Variants in WSCD1 observed in about 807,000 individuals in gnomAD.
WSCD1 encodes WSC domain sialate O sulfotransferase 1, also known as sialate:O-sulfotransferase 1.
A neutral mutation model predicts 60.4 loss-of-function variants in WSCD1; 41 were observed. The observed-to-expected ratio is 0.68, with a 90% confidence interval of 0.53 to 0.88. The LOEUF is 0.88. Ranked by LOEUF, WSCD1 falls within the 40% of genes least tolerant of loss-of-function variation. The pLI is 0.00. For missense variants in WSCD1, 784 were observed against 796.2 expected (o/e 0.98, Z 0.18); for synonymous variants, 361 against 332.5 (o/e 1.09, Z -0.93).
At chr17:6,072,362 T>C (rs1287413719) in intron 1 of WSCD1, among the ~76,000 whole-genome samples, 1 of 152,226 alleles carries the variant, frequency 6.6e-6, no homozygotes, top group East Asian at 1.9e-4. Flanking sequence ...AGCTGGTTCC[T>C]TATGGCATCA....
rs188854168 is a variant in WSCD1 at position 6,079,345 on chromosome 17, T to C, written c.-288-1026T>C. On this transcript the variant is annotated intron_variant, in intron 1 of 8. Coordinates refer to ENST00000317744, the MANE Select transcript of WSCD1 (RefSeq NM_015253.2). ...TTTTTTTCTGGGATAAGCCTGTCCT[T>C]GTGCTAAGGGCTTTGCTCACGCAAC... Among the ~76,000 whole-genome samples, 403 of 152,312 alleles carry C rather than the reference T, an allele frequency of 2.6e-3. 1 individual carries two copies. The highest frequency in any genetic ancestry group is 5.1e-3 in the Admixed American group (78 of 15,300).
At chr17:6,090,039 A>G (rs1264080812) in intron 3 of WSCD1, among the ~76,000 whole-genome samples, 1 of 152,016 alleles carries the variant, frequency 6.6e-6, no homozygotes, top group Non-Finnish European at 1.5e-5. Context: ...ACCCACATAA[A>G]TCCTCTCCAC....
At position 6,080,673 on chromosome 17, in the gene WSCD1, C is replaced by A. The variant is rs202007947; in HGVS notation, c.15C>A (p.Phe5Leu). The A allele has an allele frequency of 2.0e-5, 33 of 1,613,522 alleles. No homozygotes were observed. The highest frequency in any genetic ancestry group is 2.7e-5 in the Non-Finnish European group (32 of 1,179,922). The stretch of plus-strand genomic sequence containing the variant: ...TGCCCAGGGGCATGGCCAAACCTTT[C>A]TTCCGACTCCAGAAGTTTCTCCGCC... MAKP[F>L]FRLQKFLRRT... is the part of the protein sequence containing the mutation. Residue 5 changes from phenylalanine to leucine, a missense_variant, in exon 2 of 9, where the codon TTC becomes TTA. Coordinates refer to ENST00000317744, the MANE Select transcript of WSCD1 (RefSeq NM_015253.2). The surrounding 1 kb of genome is among the most constrained non-coding windows in gnomAD (Gnocchi z 6.6).
chr17:6,083,703 C>T (rs1379965589), intron 2 of WSCD1, among the ~76,000 whole-genome samples: 6 of 152,140 alleles, frequency 3.9e-5, no homozygotes, highest in African/African-American at 1.2e-4. Flanking sequence ...CGCTTGAACC[C>T]AGGAGGCAGA....
rs200094865 is a variant in WSCD1, at chr17:6,080,776, G to A, written c.118G>A (p.Val40Met). The A allele has an allele frequency of 6.8e-5, 110 of 1,611,772 alleles. No individual in the cohort carries two copies. The East Asian group carries it at 1.6e-3, about 24-fold the overall frequency. The change falls in exon 2 of 9, where the codon GTG becomes ATG. Residue 40 changes from valine (V) to methionine (M), a missense_variant. Val to Met is a conservative substitution (Grantham distance 21). Coordinates refer to ENST00000317744, the MANE Select transcript of WSCD1 (RefSeq NM_015253.2). This position sits in a 1 kb window ranked among gnomAD's most constrained non-coding sequence, Gnocchi z 6.6. ...CCTGCTGCTGCTGCAGCGGGTCCGC[G>A]TGGCTCTCCCACAGGGCCCCCGGGC... ...GSLLLLQRVR[V>M]ALPQGPRAPG... is the part of the protein sequence containing the mutation.
intron 7 of WSCD1, among the ~76,000 whole-genome samples, chr17:6,112,274 T>C (rs1200358197): frequency 2.0e-5 from 3 of 151,820 alleles, no homozygotes; most frequent in Non-Finnish European, 2.9e-5. Flanking sequence ...GCAAAAACAA[T>C]CAACAAATTA....
chr17:6,105,264 T>C (rs985540648), intron 5 of WSCD1, among the ~76,000 whole-genome samples: 4 of 152,186 alleles, frequency 2.6e-5, no homozygotes, highest in Admixed American at 1.3e-4. Flanking sequence ...AGGATGCATA[T>C]CTTTCTGCCC....
At chr17:6,120,281 C>T in intron 8 of WSCD1, 28 bp from the exon 9 acceptor site, 1 of 1,598,376 alleles carries the variant, frequency 6.3e-7, no homozygotes, top group East Asian at 2.2e-5. Context: ...CAGCCCCCGA[C>T]TCTGCATCTC....
chr17:6,086,212 A>G (rs1338587538), intron 2 of WSCD1, among the ~76,000 whole-genome samples: 1 of 142,410 alleles, frequency 7.0e-6, no homozygotes, highest in South Asian at 2.2e-4. Flanking sequence ...GGCCCTGGAT[A>G]TTGCACCTTG....
Position 6,095,157 on chromosome 17 carries a change from C to G in WSCD1, c.783C>G (p.Ala261=). ...CFRLPENITH[A]FPSSLIQANV... ...GACTGCCAGAGAACATCACACATGC[C>G]TTCCCCAGCTCCCTGATACAGGCCA... Residue 261 remains alanine, a synonymous_variant, in exon 5 of 9, where the codon GCC becomes GCG. Transcript: ENST00000317744. 1 of 1,613,892 alleles carries G rather than the reference C, an allele frequency of 6.2e-7. No individual in the cohort carries two copies. Among genetic ancestry groups the G allele is most frequent in the South Asian group, 1.1e-5 (1 of 90,962 alleles).
intron 5 of WSCD1, among the ~76,000 whole-genome samples, chr17:6,102,741 G>A (rs971373921): frequency 6.6e-6 from 1 of 152,034 alleles, no homozygotes; most frequent in Non-Finnish European, 1.5e-5. Flanking sequence ...TATGTTGTGA[G>A]CATTTTCTTT....
intron 2 of WSCD1, among the ~76,000 whole-genome samples, chr17:6,083,496 C>G (rs1420070455): frequency 6.6e-6 from 1 of 152,212 alleles, no homozygotes; most frequent in African/African-American, 2.4e-5. Context: ...AACTGACCAG[C>G]AGCCTCCCAA....
chr17:6,083,519 A>G (rs1909414114), intron 2 of WSCD1, among the ~76,000 whole-genome samples: 1 of 152,254 alleles, frequency 6.6e-6, no homozygotes, highest in South Asian at 2.1e-4. Context: ...CGCTAGGATT[A>G]CAGGCGTGAG....
chr17:6,075,781 C>G lies in WSCD1; in HGVS notation c.-288-4590C>G, dbSNP rs1908814516. ...GCCAAGCCCCAGGCAGGGATAGAAC[C>G]CCTCTAGCCTCCCCCTGAAGCACTC... On this transcript the variant is annotated intron_variant, in intron 1 of 8. Transcript: ENST00000317744. The surrounding 1 kb of genome is among the most constrained non-coding windows in gnomAD (Gnocchi z 4.1). Among the ~76,000 whole-genome samples, 2 of 152,160 alleles carry G rather than the reference C, an allele frequency of 1.3e-5. No individual in the cohort carries two copies. The highest frequency in any genetic ancestry group is 4.8e-5 in the African/African-American group (2 of 41,428).
At chr17:6,088,251 A>G in intron 3 of WSCD1, 147 bp downstream of exon 3, 1 of 718,992 alleles carries the variant, frequency 1.4e-6, no homozygotes, top group Non-Finnish European at 2.3e-6. Context: ...GAAGAAAGGA[A>G]GTTTGTTGGC....
Position 6,101,558 on chromosome 17 carries a change from G to A in WSCD1, c.849+6335G>A, listed in dbSNP as rs1259901119. Reference sequence around the variant, plus strand: ...TAGTTCGCGAAAATGGATTTGGGGAGATCCAAGAGTGTAGTTTGACAGAAA... The same window carrying A: ...TAGTTCGCGAAAATGGATTTGGGGAAATCCAAGAGTGTAGTTTGACAGAAA... On this transcript the variant is annotated intron_variant, in intron 5 of 8. Transcript: ENST00000317744. The surrounding 1 kb of genome is among the most constrained non-coding windows in gnomAD (Gnocchi z 4.1). 1.3e-5 allele frequency among the ~76,000 whole-genome samples: 2 copies of A among 152,188 alleles called. No individual in the cohort carries two copies. Among genetic ancestry groups the A allele is most frequent in the African/African-American group, 2.4e-5 (1 of 41,424 alleles).
intron 2 of WSCD1, 26 bp downstream of exon 2, chr17:6,081,111 A>C: frequency 2.6e-6 from 4 of 1,518,998 alleles, no homozygotes; most frequent in Non-Finnish European, 3.5e-6. Flanking sequence ...CATTTGGGGG[A>C]GCTGTTCCCA....
rs546215089 is a variant in WSCD1 at position 6,114,193 on chromosome 17, C to T, written c.1174+3258C>T. On this transcript the variant is annotated intron_variant, in intron 7 of 8. Coordinates refer to ENST00000317744, the MANE Select transcript of WSCD1 (RefSeq NM_015253.2). ...AAAAAGAATTAAATGCTGTAATTCA[C>T]GGCCACATGGATGAGCCTAAGGGAC... Among the ~76,000 whole-genome samples, 11 of 148,286 alleles carry T rather than the reference C, an allele frequency of 7.4e-5. No homozygotes were observed. The East Asian group carries it at 1.6e-3, about 21-fold the overall frequency.
chr17:6,112,723 A>G (rs1274993837), intron 7 of WSCD1, among the ~76,000 whole-genome samples: 1 of 152,216 alleles, frequency 6.6e-6, no homozygotes, highest in African/African-American at 2.4e-5. Flanking sequence ...AAAAATACCT[A>G]GGAATAAATT....
Sources: allele counts gnomAD v4.1 joint callset (sites outside exome capture counted in the v4.1 genomes callset), GRCh38; gene constraint gnomAD v4.1.1; non-coding constraint Gnocchi (gnomAD v3.1); transcripts MANE v1.5; gene names NCBI Gene and HGNC (gene_info 2026-07-23, HGNC 2026-07-21).